The following SDK1 variants were observed in gnomAD, a reference collection of about 807,000 sequenced individuals.
SDK1 encodes protein sidekick-1.
Under a neutral mutation model 245.5 loss-of-function variants are expected in SDK1, and 157 were observed. The ratio of observed to expected loss-of-function variants is 0.64; its 90% CI spans 0.56 to 0.73. The LOEUF is 0.73. Ranked by LOEUF, SDK1 falls within the 30% of genes least tolerant of loss-of-function variation. The pLI is 0.00. For synonymous variants in SDK1, 1,647 were observed against 1,278.5 expected (o/e 1.29, Z -6.15); for missense variants, 3,583 against 3,002.3 (o/e 1.19, Z -4.52).
Position 4,204,114 on chromosome 7 carries a change from G to A in SDK1, c.5099-1765G>A, listed in dbSNP as rs537267846. Among the ~76,000 whole-genome samples the A allele has an allele frequency of 2.0e-5, 3 of 152,368 alleles. No individual in the cohort carries two copies. The South Asian group carries it at 6.2e-4, about 32-fold the overall frequency. ...ACCCTGGGGCTGTCGCGGGGGGAGGGCGATGTCTCACCGACTACCAGGGTA... is the reference window on the plus strand; with the variant it reads ...ACCCTGGGGCTGTCGCGGGGGGAGGACGATGTCTCACCGACTACCAGGGTA... On this transcript the variant is annotated intron_variant, in intron 35 of 44. Transcript: ENST00000404826.
At chr7:3,938,645 C>CAAAAAAAAAAAAAAAAAAAAAAAA (rs559065786) in intron 5 of SDK1, among the ~76,000 whole-genome samples, 17 of 90,562 alleles carry the variant, frequency 1.9e-4, no homozygotes, top group African/African-American at 4.8e-4. Context: ...GACTCCGTCT[C>CAAAAAAAAAAAAAAAAAAAAAAAA]AAAAAAAAAA....
At chr7:3,766,968 G>C (rs1260039886) in intron 4 of SDK1, among the ~76,000 whole-genome samples, 3 of 152,182 alleles carry the variant, frequency 2.0e-5, no homozygotes, top group African/African-American at 7.2e-5. Flanking sequence ...AGAGCATTGG[G>C]TTTTCGTAGC....
At chr7:4,097,399 A>G (rs1483062142) in intron 22 of SDK1, among the ~76,000 whole-genome samples, 5 of 152,202 alleles carry the variant, frequency 3.3e-5, no homozygotes, top group Non-Finnish European at 5.9e-5. Flanking sequence ...GCAGTGCCGC[A>G]TCTCCCCTTG....
intron 35 of SDK1, among the ~76,000 whole-genome samples, chr7:4,180,627 T>C (rs1212590215): frequency 1.3e-5 from 2 of 152,214 alleles, no homozygotes; most frequent in African/African-American, 4.8e-5. Context: ...CGGGGTAATT[T>C]ATAAGAAAAG....
intron 1 of SDK1, among the ~76,000 whole-genome samples, chr7:3,545,021 C>A (rs537865093): frequency 2.6e-5 from 4 of 152,244 alleles, no homozygotes; most frequent in Admixed American, 1.3e-4. Flanking sequence ...AGGTGACCAT[C>A]ACTGATGGAG....
At chr7:3,358,270 T>C (rs1003314287) in intron 1 of SDK1, among the ~76,000 whole-genome samples, 2 of 152,126 alleles carry the variant, frequency 1.3e-5, no homozygotes, top group East Asian at 1.9e-4. Flanking sequence ...GATCTGCCCG[T>C]CTCAGCCTCC....
At chr7:3,849,047 C>A (rs1052865064) in intron 5 of SDK1, among the ~76,000 whole-genome samples, 1 of 152,204 alleles carries the variant, frequency 6.6e-6, no homozygotes, top group African/African-American at 2.4e-5. Flanking sequence ...TCTTCACTTC[C>A]TGGCCTGGTA....
At chr7:3,489,842 A>G (rs1419694727) in intron 1 of SDK1, among the ~76,000 whole-genome samples, 1 of 152,200 alleles carries the variant, frequency 6.6e-6, no homozygotes, top group Non-Finnish European at 1.5e-5. Context: ...ACTAATTACT[A>G]TTTCAAGTTT....
intron 1 of SDK1, among the ~76,000 whole-genome samples, chr7:3,542,918 TAGC>T: frequency 6.6e-6 from 1 of 152,294 alleles, no homozygotes; most frequent in East Asian, 1.9e-4. Context: ...CTAGGAAAAA[TAGC>T]AGACCAGACC....
intron 5 of SDK1, among the ~76,000 whole-genome samples, chr7:3,947,900 A>G (rs1167422290): frequency 6.6e-6 from 1 of 152,138 alleles, no homozygotes; most frequent in South Asian, 2.1e-4. Flanking sequence ...ATAAAACACT[A>G]ACAGATTTAG....
chr7:3,739,246 T>C (rs1027454672), intron 4 of SDK1, among the ~76,000 whole-genome samples: 3 of 152,230 alleles, frequency 2.0e-5, no homozygotes, highest in Non-Finnish European at 2.9e-5. Context: ...TTAACAGCTT[T>C]ACTTTTATGT....
chr7:4,064,868 A>G (rs1005699050), intron 19 of SDK1, among the ~76,000 whole-genome samples: 7 of 152,060 alleles, frequency 4.6e-5, no homozygotes, highest in African/African-American at 1.7e-4. Context: ...TGGAGATAAG[A>G]GAGTAGAATG....
At chr7:3,821,391 T>C (rs535905260) in intron 4 of SDK1, 59 bp from the exon 5 acceptor site, 22 of 1,559,326 alleles carry the variant, frequency 1.4e-5, no homozygotes, top group Non-Finnish European at 9.5e-6. Context: ...TAATTTTGTC[T>C]TACAAGTAGG....
intron 1 of SDK1, among the ~76,000 whole-genome samples, chr7:3,430,826 G>A (rs1273627522): frequency 6.6e-6 from 1 of 152,194 alleles, no homozygotes; most frequent in African/African-American, 2.4e-5. Flanking sequence ...AAGCAAGGAT[G>A]GGGGCTGCCT....
At chr7:4,036,990 C>T (rs995956718) in intron 17 of SDK1, among the ~76,000 whole-genome samples, 1 of 152,094 alleles carries the variant, frequency 6.6e-6, no homozygotes, top group Non-Finnish European at 1.5e-5. Flanking sequence ...TTTAAGAGGC[C>T]GTTTTTGATA....
Position 3,603,121 on chromosome 7 carries a change from C to T in SDK1, c.299-15959C>T, listed in dbSNP as rs1341979717. Among the ~76,000 whole-genome samples, 6 of 149,762 alleles carry T rather than the reference C, an allele frequency of 4.0e-5. No individual in the cohort carries two copies. In the East Asian group the frequency reaches 5.8e-4, roughly 15 times the overall value. ...AGTTTGAAGTCAGGTAGCGTGATGC[C>T]TCCAGCTTTGTTCTTTTGGCTTAGG... On this transcript the variant is annotated intron_variant, in intron 1 of 44. Transcript: ENST00000404826.
At chr7:3,318,687 T>C (rs1178865235) in intron 1 of SDK1, among the ~76,000 whole-genome samples, 2 of 152,198 alleles carry the variant, frequency 1.3e-5, no homozygotes, top group Non-Finnish European at 2.9e-5. Context: ...TACATATTTC[T>C]TTTACTTTTT....
At chr7:3,504,426 C>G (rs1583965174) in intron 1 of SDK1, among the ~76,000 whole-genome samples, 2 of 152,010 alleles carry the variant, frequency 1.3e-5, no homozygotes, top group South Asian at 2.1e-4. Context: ...TTTAAAGCTA[C>G]TATAATCAAG....
At chr7:3,776,349 C>T (rs1045062315) in intron 4 of SDK1, among the ~76,000 whole-genome samples, 9 of 152,194 alleles carry the variant, frequency 5.9e-5, no homozygotes, top group African/African-American at 2.2e-4. Context: ...CATTCTGTTT[C>T]CCAGTTGCAC....
Sources: gnomAD v4.1 joint callset for allele counts (sites outside exome capture counted in the v4.1 genomes callset) on GRCh38, gnomAD v4.1.1 for gene constraint, MANE v1.5 for transcripts, NCBI Gene and HGNC (gene_info 2026-07-23, HGNC 2026-07-21) for gene names.